LINGO2: variants seen among roughly 807,000 people sequenced by gnomAD.
LINGO2 encodes the protein leucine-rich repeat and immunoglobulin-like domain-containing nogo receptor-interacting protein 2.
A neutral mutation model predicts 30.6 loss-of-function variants in LINGO2; 14 were observed. The ratio of observed to expected loss-of-function variants is 0.46; its 90% CI spans 0.30 to 0.72. The LOEUF is 0.72. Ranked by LOEUF, LINGO2 falls within the 30% of genes least tolerant of loss-of-function variation. The pLI, the probability that LINGO2 is intolerant of heterozygous loss-of-function variation, is 0.07. For synonymous variants in LINGO2, 317 were observed against 288.5 expected (o/e 1.10, Z -1.00); for missense variants, 729 against 751.7 (o/e 0.97, Z 0.35).
upstream of LINGO2, among the ~76,000 whole-genome samples, chr9:28,674,494 A>C (rs984126843): frequency 6.6e-6 from 1 of 152,146 alleles, no homozygotes; most frequent in Non-Finnish European, 1.5e-5. Context: ...CAAGTGTTTC[A>C]GATAAAAGAC....
chr9:28,458,243 C>G (rs1054414017), intron 2 of LINGO2, among the ~76,000 whole-genome samples: 5 of 152,078 alleles, frequency 3.3e-5, no homozygotes, highest in Non-Finnish European at 7.4e-5. Context: ...ATTATATTTT[C>G]TTTTTACCTA....
chr9:28,190,304 T>C lies in LINGO2; in HGVS notation c.-87+104904A>G, dbSNP rs368334805. ...AAGAAGTTAGTAGCTTGTGCAGAGT[T>C]GCACAGTATTTTACTACCTCTCCAG... is the stretch of plus-strand genomic sequence containing the variant. On this transcript the variant is annotated intron_variant, in intron 4 of 5. Transcript: ENST00000379992. Among the ~76,000 whole-genome samples the C allele has an allele frequency of 4.6e-5, 7 of 152,192 alleles. No individual in the cohort carries two copies. The South Asian group carries it at 1.5e-3, about 32-fold the overall frequency.
chr9:29,111,923 A>ATGTGTGTATATATACATATATTTATATG, the LINGO2 span, among the ~76,000 whole-genome samples: 1 of 150,030 alleles, frequency 6.7e-6, no homozygotes, highest in African/African-American at 2.4e-5. Flanking sequence ...ATATTTATAT[A>ATGTGTGTATATATACATATATTTATATG]TGTGTGTATA....
At chr9:28,666,929 AT>A (rs1299747952) in intron 1 of LINGO2, among the ~76,000 whole-genome samples, 1 of 152,212 alleles carries the variant, frequency 6.6e-6, no homozygotes. Context: ...TTTTAAAAAA[AT>A]ATTCTTTATA....
chr9:27,966,684 C>T (rs962103711), intron 5 of LINGO2, among the ~76,000 whole-genome samples: 2 of 152,000 alleles, frequency 1.3e-5, no homozygotes, highest in African/African-American at 4.8e-5. Context: ...ACATATATAC[C>T]TATGTAACAA....
chr9:29,123,075 G>A, the LINGO2 span, among the ~76,000 whole-genome samples: 1,287 of 152,106 alleles, frequency 8.5e-3, 22 homozygotes, highest in African/African-American at 0.03. Context: ...TAATCAGCAA[G>A]CCCTTGTAGT....
At chr9:27,944,997 C>T (rs1226845568), downstream of LINGO2, among the ~76,000 whole-genome samples, 1 of 152,160 alleles carries the variant, frequency 6.6e-6, no homozygotes, top group African/African-American at 2.4e-5. Context: ...TGCCTCCAAC[C>T]TTCTTTAAAG....
chr9:28,493,959 G>C (rs1290776044), intron 1 of LINGO2, among the ~76,000 whole-genome samples: 1 of 151,992 alleles, frequency 6.6e-6, no homozygotes, highest in African/African-American at 2.4e-5. Flanking sequence ...CTTGCAGATG[G>C]CCTATTGTGG....
intron 2 of LINGO2, among the ~76,000 whole-genome samples, chr9:28,392,774 A>C (rs1821890733): frequency 6.6e-6 from 1 of 152,146 alleles, no homozygotes; most frequent in Admixed American, 6.5e-5. Context: ...GTGTACTCTT[A>C]AGGGGGCTTG....
intron 1 of LINGO2, among the ~76,000 whole-genome samples, chr9:28,559,284 C>T (rs1822914986): frequency 6.6e-6 from 1 of 152,098 alleles, no homozygotes; most frequent in African/African-American, 2.4e-5. Context: ...CCTTTTGTGT[C>T]TTCATCTGAA....
At chr9:28,639,348 G>T (rs1192119781) in intron 1 of LINGO2, among the ~76,000 whole-genome samples, 1 of 152,116 alleles carries the variant, frequency 6.6e-6, no homozygotes, top group African/African-American at 2.4e-5. Flanking sequence ...GCTTGGTGTA[G>T]AGCTGAGTTC....
chr9:29,177,910 A>T, the LINGO2 span, among the ~76,000 whole-genome samples: 1 of 151,982 alleles, frequency 6.6e-6, no homozygotes, highest in Non-Finnish European at 1.5e-5. Context: ...CTTCATAATC[A>T]TATCCTTTTC....
intron 4 of LINGO2, among the ~76,000 whole-genome samples, chr9:28,206,114 G>A (rs1039165983): frequency 2.2e-5 from 3 of 137,012 alleles, no homozygotes; most frequent in African/African-American, 8.2e-5. Flanking sequence ...GCAGTAAGCT[G>A]AGATCATGCC....
At position 28,522,948 on chromosome 9, in the gene LINGO2, G is replaced by C. The variant is rs1820880710; in HGVS notation, c.-364-46923C>G. 2.0e-5 allele frequency among the ~76,000 whole-genome samples: 3 copies of C among 151,724 alleles called. No individual in the cohort carries two copies. The South Asian group carries it at 6.2e-4, about 31-fold the overall frequency. Reference sequence around the variant, plus strand: ...GAAAGAAAAGACACAGGGAGAAACAGAGTAAGGAATGTAGAAGATATAAAT... The same window carrying C: ...GAAAGAAAAGACACAGGGAGAAACACAGTAAGGAATGTAGAAGATATAAAT... On this transcript the variant is annotated intron_variant, in intron 1 of 5. Transcript: ENST00000379992.
chr9:28,501,382 A>G lies in LINGO2; in HGVS notation c.-364-25357T>C, dbSNP rs966542417. Among the ~76,000 whole-genome samples, 10 of 152,224 alleles carry G rather than the reference A, an allele frequency of 6.6e-5. No homozygotes were observed. In the East Asian group the frequency reaches 1.9e-3, roughly 29 times the overall value. On this transcript the variant is annotated intron_variant, in intron 1 of 5. Transcript: ENST00000379992. ...AAATAAAATATTAAGCATTGCCACT[A>G]TCACATTGTAAATACGATGAAGAAA...
At chr9:28,557,371 A>G (rs1456464706) in intron 1 of LINGO2, among the ~76,000 whole-genome samples, 1 of 152,170 alleles carries the variant, frequency 6.6e-6, no homozygotes. Context: ...GAAGACATTT[A>G]TGCAGCCAAC....
chr9:28,404,921 TG>T (rs1212469244), intron 2 of LINGO2, among the ~76,000 whole-genome samples: 3 of 138,388 alleles, frequency 2.2e-5, no homozygotes, highest in Non-Finnish European at 4.9e-5. Context: ...TGTGTGTGTG[TG>T]TGTGTAAAAT....
chr9:28,885,360 T>TATAC, the LINGO2 span, among the ~76,000 whole-genome samples: 1 of 144,140 alleles, frequency 6.9e-6, no homozygotes, highest in Non-Finnish European at 1.5e-5. Flanking sequence ...TATATATATA[T>TATAC]ACACACACAC....
At chr9:29,154,676 G>C in the LINGO2 span, among the ~76,000 whole-genome samples, 1,924 of 152,160 alleles carry the variant, frequency 0.013, 25 homozygotes, top group Non-Finnish European at 0.021. Context: ...ATTTTATAAG[G>C]AAAACAAATA....
Sources: allele counts gnomAD v4.1 joint callset (sites outside exome capture counted in the v4.1 genomes callset), GRCh38; gene constraint gnomAD v4.1.1; transcripts MANE v1.5; gene names NCBI Gene and HGNC (gene_info 2026-07-23, HGNC 2026-07-21).